THNSL2: variants seen among roughly 807,000 people sequenced by gnomAD.
THNSL2 encodes threonine synthase like 2, also known as threonine synthase-like 2.
Under a neutral mutation model 40.0 loss-of-function variants are expected in THNSL2, and 34 were observed. That is an observed-to-expected ratio of 0.85 (90% CI 0.65 to 1.13). The LOEUF is 1.13. Among genes scored for constraint, THNSL2 ranks in the 50% most tolerant of loss-of-function variants. The pLI, the probability that THNSL2 is intolerant of heterozygous loss-of-function variation, is 0.00. For synonymous variants in THNSL2, 241 were observed against 247.5 expected, an observed-to-expected ratio of 0.97 and a Z score of 0.25; for missense variants, 537 against 608.8, an observed-to-expected ratio of 0.88 and a Z score of 1.24.
intron 4 of THNSL2, among the ~76,000 whole-genome samples, chr2:88,178,425 G>C (rs1314530581): frequency 6.6e-6 from 1 of 152,192 alleles, no homozygotes; most frequent in African/African-American, 2.4e-5. Context: ...GCGGAAGAGT[G>C]GGGGAAGTGG....
chr2:88,183,307 T>TCTG (rs1175328180), intron 7 of THNSL2: 5 of 467,892 alleles, frequency 1.1e-5, no homozygotes, highest in African/African-American at 3.9e-5. Flanking sequence ...GACATTGGGC[T>TCTG]AGTTTCCTAA....
intron 5 of THNSL2, among the ~76,000 whole-genome samples, chr2:88,180,430 G>A (rs1216314407): frequency 6.6e-6 from 1 of 152,188 alleles, no homozygotes; most frequent in Non-Finnish European, 1.5e-5. Context: ...AAATTAGCCA[G>A]GTGTGGTGGC....
intron 7 of THNSL2, 37 bp from the exon 8 acceptor site, chr2:88,185,291 C>G (rs1678152532): frequency 2.5e-6 from 4 of 1,586,546 alleles, no homozygotes; most frequent in Non-Finnish European, 3.4e-6. Flanking sequence ...CTACATCCCC[C>G]CCCCACACCT....
chr2:88,173,455 T>A, intron 2 of THNSL2, 82 bp downstream of exon 2: 1 of 1,054,518 alleles, frequency 9.5e-7, no homozygotes, highest in Non-Finnish European at 1.3e-6. Context: ...ACCAAACCAC[T>A]AGGAAGTCTC....
chr2:88,180,909 A>C (rs1677473079), intron 5 of THNSL2, among the ~76,000 whole-genome samples: 1 of 151,956 alleles, frequency 6.6e-6, no homozygotes, highest in African/African-American at 2.4e-5. Flanking sequence ...TTGAATCCTG[A>C]CTCTGACACT....
chr2:88,175,510 C>T, intron 4 of THNSL2, 109 bp downstream of exon 4: 1 of 1,388,330 alleles, frequency 7.2e-7, no homozygotes, highest in Non-Finnish European at 9.9e-7. Context: ...TGACTGTCCT[C>T]CTTTCATCAT....
At chr2:88,177,272 G>T (rs1422059246) in intron 4 of THNSL2, 1 of 152,170 alleles carries the variant, frequency 6.6e-6, no homozygotes, top group Non-Finnish European at 1.5e-5. Context: ...GAGCTTTCTG[G>T]TTTGGTTTTA....
At chr2:88,172,614 T>G (rs1470260037) in intron 1 of THNSL2, 1 of 152,268 alleles carries the variant, frequency 6.6e-6, no homozygotes, top group African/African-American at 2.4e-5. Flanking sequence ...AGTTGTATTT[T>G]TTTTAACGCT....
chr2:88,185,240 G>A (rs1442694681), intron 7 of THNSL2, 88 bp from the exon 8 acceptor site: 2 of 1,521,536 alleles, frequency 1.3e-6, no homozygotes, highest in Non-Finnish European at 1.8e-6. Flanking sequence ...CCTGGGGTTT[G>A]TGTGGATCTG....
rs1405277980 is a variant in THNSL2 at position 88,185,972 on chromosome 2, CT to C, written c.1305del (p.Glu436ArgfsTer7). 4 of 1,613,000 alleles carry C rather than the reference CT, an allele frequency of 2.5e-6. No individual in the cohort carries two copies. The Admixed American group carries it at 5.0e-5, about 20-fold the overall frequency. Reference protein sequence around the residue: ...PEAVLAAGLTPETPAEIVALE... With the variant: ...PEAVLAAGLTXETPAEIVALE... ...GCTGTCCTGGCTGCTGGCCTGACCC[CT>C]GAGACTCCCGCGGAGATCGTAGCCC... On this transcript the variant is annotated frameshift_variant, in exon 9 of 9. Coordinates refer to ENST00000674334, the MANE Select transcript of THNSL2 (RefSeq NM_018271.5). LOFTEE classifies it low-confidence loss of function (END_TRUNC).
chr2:88,185,798 C>T, intron 8 of THNSL2, 100 bp from the exon 9 acceptor site: 24 of 1,537,938 alleles, frequency 1.6e-5, no homozygotes, highest in Non-Finnish European at 1.7e-5. Flanking sequence ...CCCCCCCATC[C>T]CTAAACTTCC....
intron 1 of THNSL2, 195 bp from the exon 2 acceptor site, chr2:88,172,944 T>C (rs1676513521): frequency 2.5e-6 from 1 of 392,430 alleles, no homozygotes; most frequent in Non-Finnish European, 4.5e-6. Flanking sequence ...TTTTGATTGG[T>C]GGAATCATGA....
chr2:88,175,557 C>G (rs1439529155), intron 4 of THNSL2, 156 bp downstream of exon 4: 7 of 888,000 alleles, frequency 7.9e-6, no homozygotes, highest in Non-Finnish European at 1.2e-5. Flanking sequence ...TGGCTCAGCT[C>G]TGGGCAGGGT....
chr2:88,170,410 G>GGCCCCGC lies in THNSL2; in HGVS notation c.-56_-55insCCGCGCC, dbSNP rs1553460733. On this transcript the variant is annotated 5_prime_UTR_variant, in exon 1 of 9. Coordinates refer to ENST00000674334, the MANE Select transcript of THNSL2 (RefSeq NM_018271.5). ...GCCCGGGCAGCCCTGCTGCGCACCG[G>GGCCCCGC]GCCTCGCGCCCCGCGCCCCGCGCCC... 24 of 122,888 alleles carry GGCCCCGC rather than the reference G, an allele frequency of 2.0e-4. No individual in the cohort carries two copies. In the East Asian group the frequency reaches 2.0e-3, roughly 10 times the overall value. 7.6% of individuals were successfully genotyped at this position (122,888 alleles called of 1,614,324 possible).
rs1297416300 is a variant in THNSL2, at chr2:88,173,337, A to G, written c.187A>G (p.Ile63Val). 1.2e-6 allele frequency: 2 copies of G among 1,610,994 alleles called. No individual in the cohort carries two copies. Among genetic ancestry groups the G allele is most frequent in the African/African-American group, 1.3e-5 (1 of 74,874 alleles). The change falls in exon 2 of 9, where the codon ATT becomes GTT. Residue 63 changes from isoleucine to valine, a missense_variant. By Grantham distance (29) the Ile-to-Val change is conservative. Transcript: ENST00000674334. ...GLVKELCALF[I>V]GSELLPKDEL... is the part of the protein sequence containing the mutation. The stretch of plus-strand genomic sequence containing the variant: ...GGTGAAGGAGCTGTGTGCCCTCTTC[A>G]TTGGCTCTGAGCTCCTTCCAAAAGA...
chr2:88,170,966 G>GT (rs2104100176), intron 1 of THNSL2, among the ~76,000 whole-genome samples: 1 of 152,138 alleles, frequency 6.6e-6, no homozygotes, highest in East Asian at 1.9e-4. Flanking sequence ...CCTATTTTCC[G>GT]TATTTATTTA....
chr2:88,171,385 C>T, intron 1 of THNSL2: 1 of 452,216 alleles, frequency 2.2e-6, no homozygotes, highest in East Asian at 7.0e-5. Flanking sequence ...TGTTCCTGGA[C>T]AGTTGTTCCA....
intron 5 of THNSL2, among the ~76,000 whole-genome samples, chr2:88,180,398 C>G (rs1190004260): frequency 6.6e-6 from 1 of 152,042 alleles, no homozygotes; most frequent in Non-Finnish European, 1.5e-5. Flanking sequence ...ATGGTGAAAC[C>G]CTGTCTCTAC....
At chr2:88,173,478 T>G in intron 2 of THNSL2, 105 bp downstream of exon 2, 1 of 799,582 alleles carries the variant, frequency 1.3e-6, no homozygotes, top group Non-Finnish European at 1.7e-6. Flanking sequence ...GTCACATTTC[T>G]TCTCAAACTT....
Sources: gnomAD v4.1 joint callset for allele counts (sites outside exome capture counted in the v4.1 genomes callset) on GRCh38, gnomAD v4.1.1 for gene constraint, MANE v1.5 for transcripts, NCBI Gene and HGNC (gene_info 2026-07-23, HGNC 2026-07-21) for gene names.